KDR: variants seen among roughly 807,000 people sequenced by gnomAD.
KDR encodes the protein vascular endothelial growth factor receptor 2.
Under a neutral mutation model 160.9 loss-of-function variants are expected in KDR, and 43 were observed. The ratio of observed to expected loss-of-function variants is 0.27; its 90% CI spans 0.21 to 0.34. The LOEUF (loss-of-function observed/expected upper bound fraction) is 0.34. KDR is among the 10% of genes least tolerant of loss of function. The probability of loss-of-function intolerance (pLI) is 1.00; values close to 1 mark genes in which losing one functional copy is unlikely to be tolerated. For synonymous variants in KDR, 617 were observed against 600.1 expected (o/e 1.03, Z -0.41); for missense variants, 1,469 against 1,666.4 (o/e 0.88, Z 2.06).
At chr4:55,095,040 A>C in intron 20 of KDR, 85 bp from the exon 21 acceptor site, 1 of 1,302,868 alleles carries the variant, frequency 7.7e-7, no homozygotes, top group Non-Finnish European at 1.1e-6. Flanking sequence ...GTAGTAAACC[A>C]TGGAGATAAT....
chr4:55,090,978 C>A (rs1403415939), intron 22 of KDR, among the ~76,000 whole-genome samples: 1 of 151,404 alleles, frequency 6.6e-6, no homozygotes, highest in South Asian at 2.1e-4. Context: ...CCTCTGCCTC[C>A]CAAGTAGTTG....
intron 9 of KDR, among the ~76,000 whole-genome samples, chr4:55,108,198 C>CGA (rs555113166): frequency 8.7e-6 from 1 of 115,226 alleles, no homozygotes; most frequent in Non-Finnish European, 1.8e-5. Context: ...CCATCTCTAC[C>CGA]AAAAAAAAAA....
intron 15 of KDR, among the ~76,000 whole-genome samples, chr4:55,099,865 TGAG>T (rs1437297013): frequency 2.6e-5 from 4 of 151,768 alleles, no homozygotes; most frequent in Non-Finnish European, 5.9e-5. Flanking sequence ...GGAGTCTGAG[TGAG>T]GAGAAGAGGA....
intron 24 of KDR, 74 bp downstream of exon 24, chr4:55,089,617 G>T: frequency 7.1e-7 from 1 of 1,411,240 alleles, no homozygotes; most frequent in Non-Finnish European, 1.0e-6. Flanking sequence ...TAGACATGAA[G>T]TACAGGAGAG....
At chr4:55,093,819 A>C (rs1720080050) in intron 21 of KDR, among the ~76,000 whole-genome samples, 2 of 152,142 alleles carry the variant, frequency 1.3e-5, no homozygotes, top group African/African-American at 4.8e-5. Flanking sequence ...GCTCCTTCTG[A>C]AGGAGGCAGA....
At chr4:55,095,132 T>C (rs1720119418) in intron 20 of KDR, among the ~76,000 whole-genome samples, 177 bp from the exon 21 acceptor site, 2 of 152,182 alleles carry the variant, frequency 1.3e-5, no homozygotes, top group Admixed American at 6.5e-5. Context: ...GCAAGTTTTG[T>C]GCATAATAGG....
At chr4:55,093,571 A>T (rs1720073235) in intron 21 of KDR, among the ~76,000 whole-genome samples, 1 of 152,230 alleles carries the variant, frequency 6.6e-6, no homozygotes, top group South Asian at 2.1e-4. Context: ...GGGTAGAGGC[A>T]GCACCACTCA....
intron 15 of KDR, among the ~76,000 whole-genome samples, chr4:55,100,862 T>C (rs948597701): frequency 6.6e-6 from 1 of 152,080 alleles, no homozygotes; most frequent in African/African-American, 2.4e-5. Context: ...TACCATTCTT[T>C]TACCCCACAA....
Position 55,118,793 on chromosome 4 carries a change from T to C in KDR, c.169A>G (p.Arg57Gly), listed in dbSNP as rs775784277. 1.2e-6 allele frequency: 2 copies of C among 1,613,988 alleles called. No individual in the cohort carries two copies. The highest frequency in any genetic ancestry group is 3.3e-5 in the Admixed American group (2 of 60,022). Residue 57 changes from arginine (R) to glycine (G), a missense_variant, in exon 3 of 30, where the codon AGG becomes GGG. Physicochemically the swap from Arg to Gly is moderately radical, Grantham distance 125. Transcript: ENST00000263923. The stretch of plus-strand genomic sequence containing the variant: ...TTGGGCCAAAGCCAGTCCAAGTCCC[T>C]CTGTCCCCTGAAAAATTAATTTCAG... ...TTLQITCRGQ[R>G]DLDWLWPNNQ...
Position 55,092,455 on chromosome 4 carries a change from T to C in KDR, c.3069+162A>G, listed in dbSNP as rs564372696. On this transcript the variant is annotated intron_variant, in intron 22 of 29. Coordinates refer to ENST00000263923, the MANE Select transcript of KDR (RefSeq NM_002253.4). The stretch of plus-strand genomic sequence containing the variant: ...AATTTCATGAACTCCTTAACCACTC[T>C]TACTCAGCAGAAACAGAGCCTCCCC... The C allele has an allele frequency of 1.3e-5, 9 of 677,706 alleles. No homozygotes were observed. The South Asian group carries it at 1.4e-4, about 11-fold the overall frequency. The allele number at this position is 677,706 out of a possible 1,614,324, so 42.0% of individuals were successfully genotyped here.
Position 55,104,652 on chromosome 4 carries a change from T to C in KDR, c.1978A>G (p.Thr660Ala), listed in dbSNP as rs1275390008. The change falls in exon 13 of 30, where the codon ACA becomes GCA. Residue 660 changes from threonine to alanine, a missense_variant. Thr to Ala is a moderately conservative substitution (Grantham distance 58). Around this residue, in one of 7 missense-constraint regions of KDR, gnomAD observed 792 missense variants for 840.9 expected, o/e 0.94. Transcript: ENST00000263923. ...KKRHCVVRQLTVLERVAPTIT... is the reference protein window; with the variant it reads ...KKRHCVVRQLAVLERVAPTIT... Reference sequence around the variant, plus strand: ...AGAATTGTCTCCCTACCTAGGACTGTGAGCTGCCTGACCACGCAATGTCTT... The same window carrying C: ...AGAATTGTCTCCCTACCTAGGACTGCGAGCTGCCTGACCACGCAATGTCTT... 1.6e-5 allele frequency: 26 copies of C among 1,610,830 alleles called. No homozygotes were observed. The highest frequency in any genetic ancestry group is 2.2e-5 in the Non-Finnish European group (26 of 1,177,332).
chr4:55,102,305 A>G, intron 14 of KDR, 57 bp downstream of exon 14: 1 of 1,568,952 alleles, frequency 6.4e-7, no homozygotes, highest in African/African-American at 1.4e-5. Flanking sequence ...ATGGCTTTTT[A>G]GATAACATCC....
chr4:55,101,863 G>A (rs2110020378), intron 15 of KDR, 34 bp downstream of exon 15: 1 of 1,558,822 alleles, frequency 6.4e-7, no homozygotes, highest in Non-Finnish European at 8.8e-7. Context: ...ATTCCATGGT[G>A]TATATGTACC....
chr4:55,107,738 T>G lies in KDR; in HGVS notation c.1411A>C (p.Ser471Arg), dbSNP rs1720478965. The G allele has an allele frequency of 6.2e-7, 1 of 1,613,818 alleles. No individual in the cohort carries two copies. The highest frequency in any genetic ancestry group is 1.7e-5 in the Admixed American group (1 of 59,990). ...CAAAGAGCATGTGGCCTTACTCACC[T>G]GGGCTCGTTGGCGCACTCTTCCTCC... The part of the protein sequence containing the change: ...QLEEECANEP[S>R]QAVSVTNPYP... Residue 471 changes from serine to arginine, a missense_variant and splice_region_variant, in exon 10 of 30, where the codon AGC (serine) becomes CGC (arginine). This residue lies in a region of KDR where 792 missense variants were observed against 840.9 expected (regional missense o/e 0.94). Coordinates refer to ENST00000263923, the MANE Select transcript of KDR (RefSeq NM_002253.4).
intron 2 of KDR, 42 bp downstream of exon 2, chr4:55,121,055 G>T: frequency 7.5e-7 from 1 of 1,328,764 alleles, no homozygotes; most frequent in Non-Finnish European, 1.1e-6. Context: ...TAAACAATCA[G>T]TTACTTAACA....
In KDR at chr4:55,087,642, G is replaced by T; in HGVS notation, c.3627C>A (p.Asp1209Glu). 6.2e-7 allele frequency: 1 copy of T among 1,614,142 alleles called. No homozygotes were observed. The highest frequency in any genetic ancestry group is 8.5e-7 in the Non-Finnish European group (1 of 1,179,986). ...VSCMEEEEVC[D>E]PKFHYDNTAG... The stretch of plus-strand genomic sequence containing the variant: ...CTGTGTTGTCATAATGGAATTTGGG[G>T]TCACATACTTCCTCCTCCTCCATAC... The change falls in exon 27 of 30, where the codon GAC (aspartate) becomes GAA (glutamate). Residue 1209 changes from aspartate (D) to glutamate (E), a missense_variant. Physicochemically the swap from Asp to Glu is conservative, Grantham distance 45. Around this residue, in one of 7 missense-constraint regions of KDR, gnomAD observed 229 missense variants for 197.8 expected, o/e 1.16. Transcript: ENST00000263923.
At chr4:55,099,607 A>T (rs1366599465) in intron 15 of KDR, among the ~76,000 whole-genome samples, 1 of 152,192 alleles carries the variant, frequency 6.6e-6, no homozygotes, top group Admixed American at 6.5e-5. Context: ...CCAAGTAGGG[A>T]AATAAACAAA....
At chr4:55,097,612 A>T (rs1374765465) in intron 18 of KDR, 50 bp downstream of exon 18, 14 of 1,184,800 alleles carry the variant, frequency 1.2e-5, no homozygotes, top group Admixed American at 3.4e-5. Flanking sequence ...CAACATATTT[A>T]AAGACTAGAT....
At chr4:55,117,209 C>T (rs78508765) in intron 3 of KDR, among the ~76,000 whole-genome samples, 25,327 of 152,182 alleles carry the variant, frequency 0.17, 2,854 homozygotes, top group East Asian at 0.45. Flanking sequence ...ACCACCCAGC[C>T]TCTCAAAATA....
Sources: allele counts gnomAD v4.1 joint callset (sites outside exome capture counted in the v4.1 genomes callset), GRCh38; gene constraint gnomAD v4.1.1; regional missense constraint gnomAD v4.1.1; transcripts MANE v1.5; gene names NCBI Gene and HGNC (gene_info 2026-07-23, HGNC 2026-07-21).